The following PSMB7 variants were observed in gnomAD, a reference collection of about 807,000 sequenced individuals.
PSMB7 encodes proteasome 20S subunit beta 7, also known as proteasome subunit beta type-7.
PSMB7 carries 5 observed loss-of-function variants against 28.1 expected under a neutral mutation model. The ratio of observed to expected loss-of-function variants is 0.18; its 90% CI spans 0.09 to 0.37. The LOEUF is 0.37. Among genes scored for constraint, PSMB7 ranks in the 10% least tolerant of loss-of-function variants. The pLI, the probability that PSMB7 is intolerant of heterozygous loss-of-function variation, is 1.00. For missense variants in PSMB7, 275 were observed against 346.2 expected, an observed-to-expected ratio of 0.79 and a Z score of 1.63; for synonymous variants, 122 against 123.7, an observed-to-expected ratio of 0.99 and a Z score of 0.09.
chr9:124,377,338 T>C (rs1194088539), intron 6 of PSMB7, among the ~76,000 whole-genome samples: 1 of 152,210 alleles, frequency 6.6e-6, no homozygotes, highest in Non-Finnish European at 1.5e-5. Flanking sequence ...CATGCAACCA[T>C]ATTGAACTCA....
chr9:124,386,115 G>T (rs897547868), intron 5 of PSMB7, among the ~76,000 whole-genome samples: 1 of 147,366 alleles, frequency 6.8e-6, no homozygotes, highest in Non-Finnish European at 1.5e-5. Flanking sequence ...AAGGCAACCC[G>T]ATTTTCCCCT....
At chr9:124,407,954 C>T (rs1297292583) in intron 4 of PSMB7, among the ~76,000 whole-genome samples, 3 of 152,082 alleles carry the variant, frequency 2.0e-5, no homozygotes. Flanking sequence ...TGAGACCAGC[C>T]TAAGCAACAT....
intron 6 of PSMB7, among the ~76,000 whole-genome samples, chr9:124,381,226 T>C (rs1265171111): frequency 6.6e-6 from 1 of 152,334 alleles, no homozygotes; most frequent in Admixed American, 6.5e-5. Context: ...ATAAATACTA[T>C]AGTCCAAAGG....
intron 6 of PSMB7, among the ~76,000 whole-genome samples, chr9:124,365,269 G>A (rs767296196): frequency 6.6e-6 from 1 of 151,986 alleles, no homozygotes; most frequent in Non-Finnish European, 1.5e-5. Flanking sequence ...AATGAGGTAA[G>A]AGCTAGCTAG....
intron 6 of PSMB7, among the ~76,000 whole-genome samples, chr9:124,381,082 G>A (rs1482318061): frequency 2.0e-5 from 3 of 152,178 alleles, no homozygotes; most frequent in East Asian, 1.9e-4. Context: ...AACCTGGTGT[G>A]CGTTTTCCAC....
rs1434020128 is a variant in PSMB7, at chr9:124,356,174, A to C, written c.722+590T>G. ...GCTCCTCTGACACATGCTAGCCACC[A>C]GGTTTGGAAACCTCCCAGTTCTGCT... On this transcript the variant is annotated intron_variant, in intron 7 of 7. Coordinates refer to ENST00000259457, the MANE Select transcript of PSMB7 (RefSeq NM_002799.4). The surrounding 1 kb of genome is among the most constrained non-coding windows in gnomAD (Gnocchi z 4.4). Among the ~76,000 whole-genome samples the C allele has an allele frequency of 3.3e-5, 5 of 152,178 alleles. No homozygotes were observed. The highest frequency in any genetic ancestry group is 7.3e-5 in the Non-Finnish European group (5 of 68,032).
chr9:124,405,554 G>A (rs1830954693), intron 4 of PSMB7, 122 bp from the exon 5 acceptor site: 2 of 636,916 alleles, frequency 3.1e-6, no homozygotes, highest in East Asian at 2.8e-5. Context: ...TTTCATTAAG[G>A]GGTTATTGTT....
At chr9:124,392,327 C>G (rs1035527282) in intron 5 of PSMB7, among the ~76,000 whole-genome samples, 4 of 152,348 alleles carry the variant, frequency 2.6e-5, no homozygotes, top group African/African-American at 9.6e-5. Flanking sequence ...CCAAGAGGCA[C>G]AAGAGGTGGC....
At chr9:124,373,407 A>G (rs1431726963) in intron 6 of PSMB7, among the ~76,000 whole-genome samples, 1 of 152,262 alleles carries the variant, frequency 6.6e-6, no homozygotes, top group Non-Finnish European at 1.5e-5. Flanking sequence ...CCAATAATAA[A>G]GACAATTTAT....
chr9:124,384,613 A>T lies in PSMB7; in HGVS notation c.555T>A (p.Phe185Leu). The T allele has an allele frequency of 6.2e-7, 1 of 1,613,556 alleles. No homozygotes were observed. Among genetic ancestry groups the T allele is most frequent in the East Asian group, 2.2e-5 (1 of 44,884 alleles). Residue 185 changes from phenylalanine (F) to leucine (L), a missense_variant, in exon 6 of 8, where the codon TTT (phenylalanine) becomes TTA (leucine). By Grantham distance (22) the Phe-to-Leu change is conservative (BLOSUM62 0). This residue lies in a region of PSMB7 where 213 missense variants were observed against 302.4 expected (regional missense o/e 0.70). Transcript: ENST00000259457. ...ACTTACATACCTCCATGTCTGGCCT[A>T]AACTTATCTTCAAATACAGCCATTG... is the stretch of plus-strand genomic sequence containing the variant. Reference protein sequence around the residue: ...LAAMAVFEDKFRPDMEEEEAK... With the variant: ...LAAMAVFEDKLRPDMEEEEAK...
intron 5 of PSMB7, among the ~76,000 whole-genome samples, chr9:124,404,431 C>T (rs979883771): frequency 2.6e-4 from 39 of 152,202 alleles, no homozygotes; most frequent in African/African-American, 7.7e-4. Context: ...CTTTCTAATA[C>T]AGGCTGAGTA....
chr9:124,412,584 A>G, intron 3 of PSMB7, 92 bp from the exon 4 acceptor site: 3 of 1,313,444 alleles, frequency 2.3e-6, no homozygotes, highest in Non-Finnish European at 3.2e-6. Context: ...CATGAAGTTC[A>G]GGTACAGAGA....
intron 6 of PSMB7, among the ~76,000 whole-genome samples, chr9:124,358,102 C>T (rs1344592025): frequency 2.0e-5 from 3 of 152,222 alleles, no homozygotes; most frequent in Admixed American, 1.3e-4. Context: ...AGTACATACA[C>T]ATGCAAGTGC....
At chr9:124,376,489 T>C (rs1008544494) in intron 6 of PSMB7, among the ~76,000 whole-genome samples, 1 of 152,232 alleles carries the variant, frequency 6.6e-6, no homozygotes, top group Non-Finnish European at 1.5e-5. Flanking sequence ...CCTTAAACTT[T>C]TCTGTTCCTG....
intron 6 of PSMB7, among the ~76,000 whole-genome samples, chr9:124,363,569 G>A (rs894955937): frequency 6.6e-6 from 1 of 152,144 alleles, no homozygotes; most frequent in Non-Finnish European, 1.5e-5. Context: ...GGGTGAATAC[G>A]CCTGCCTGTG....
chr9:124,401,642 A>G (rs1174719601), intron 5 of PSMB7, among the ~76,000 whole-genome samples: 1 of 152,116 alleles, frequency 6.6e-6, no homozygotes, highest in Non-Finnish European at 1.5e-5. Context: ...CCCCCATTAG[A>G]CTGAGTATCT....
chr9:124,413,993 G>C lies in PSMB7; in HGVS notation c.169C>G (p.Leu57Val). ...TCAGTTGCTCTTGTATCTGCTCCAA[G>C]AACTATGCCATCCTATTAAAAAAAA... The part of the protein sequence containing the change: ...AGVVYKDGIV[L>V]GADTRATEGM... The change falls in exon 3 of 8, where the codon CTT becomes GTT. Residue 57 changes from leucine (L) to valine (V), a missense_variant. Physicochemically the swap from Leu to Val is conservative, Grantham distance 32 (BLOSUM62 1). Coordinates refer to ENST00000259457, the MANE Select transcript of PSMB7 (RefSeq NM_002799.4). 1 of 1,610,704 alleles carries C rather than the reference G, an allele frequency of 6.2e-7. No homozygotes were observed. Among genetic ancestry groups the C allele is most frequent in the South Asian group, 1.1e-5 (1 of 90,820 alleles).
At chr9:124,366,793 ATACT>A (rs1488908298) in intron 6 of PSMB7, among the ~76,000 whole-genome samples, 3 of 152,272 alleles carry the variant, frequency 2.0e-5, no homozygotes, top group Admixed American at 6.5e-5. Flanking sequence ...AGATACACAA[ATACT>A]TACTGCTGTG....
chr9:124,410,451 C>T (rs1831017605), intron 4 of PSMB7, among the ~76,000 whole-genome samples: 1 of 152,064 alleles, frequency 6.6e-6, no homozygotes, highest in Non-Finnish European at 1.5e-5. Context: ...ATAGACACAT[C>T]GTGTAGAAAA....
Sources: allele counts gnomAD v4.1 joint callset (sites outside exome capture counted in the v4.1 genomes callset), GRCh38; gene constraint gnomAD v4.1.1; regional missense constraint gnomAD v4.1.1; non-coding constraint Gnocchi (gnomAD v3.1); transcripts MANE v1.5; gene names NCBI Gene and HGNC (gene_info 2026-07-23, HGNC 2026-07-21).